The following GRIK2 variants were observed in gnomAD, a reference collection of about 807,000 sequenced individuals.
GRIK2 encodes glutamate ionotropic receptor kainate type subunit 2.
Under a neutral mutation model 100.3 loss-of-function variants are expected in GRIK2, and 32 were observed. That is an observed-to-expected ratio of 0.32 (90% CI 0.24 to 0.43). The LOEUF is 0.43. Ranked by LOEUF, GRIK2 falls within the 20% of genes least tolerant of loss-of-function variation. The probability of loss-of-function intolerance (pLI) is 1.00; values close to 1 mark genes in which losing one functional copy is unlikely to be tolerated. For synonymous variants in GRIK2, 417 were observed against 389.4 expected, an observed-to-expected ratio of 1.07 and a Z score of -0.83; for missense variants, 843 against 1,114.9, an observed-to-expected ratio of 0.76 and a Z score of 3.47.
chr6:101,811,020 T>C lies in GRIK2; in HGVS notation c.1204-7350T>C, dbSNP rs547245002. On this transcript the variant is annotated intron_variant, in intron 9 of 16. Coordinates refer to ENST00000369134, the MANE Select transcript of GRIK2 (RefSeq NM_021956.5). ...CAGCATTTAATATAAATCTCTTTCT[T>C]ATGCTTTCTATTTCTCAATTCCCTC... Among the ~76,000 whole-genome samples, 27 of 152,252 alleles carry C rather than the reference T, an allele frequency of 1.8e-4. 1 individual carries two copies. Among genetic ancestry groups the C allele is most frequent in the Admixed American group, 1.1e-3 (17 of 15,252 alleles).
intron 15 of GRIK2, among the ~76,000 whole-genome samples, chr6:102,045,771 A>C (rs1260833751): frequency 1.3e-5 from 2 of 152,102 alleles, no homozygotes; most frequent in Admixed American, 1.3e-4. Context: ...GATGCTCCAT[A>C]TCATATGTCA....
chr6:101,474,150 T>C (rs1461929557), intron 2 of GRIK2, among the ~76,000 whole-genome samples: 1 of 151,872 alleles, frequency 6.6e-6, no homozygotes, highest in African/African-American at 2.4e-5. Context: ...GTTAGGTCAA[T>C]GTCTTCACCC....
At chr6:101,517,083 T>C (rs1316716410) in intron 2 of GRIK2, among the ~76,000 whole-genome samples, 1 of 152,124 alleles carries the variant, frequency 6.6e-6, no homozygotes, top group African/African-American at 2.4e-5. Context: ...TAAATTAAGG[T>C]ACTTATCTTC....
chr6:101,559,918 T>A (rs1776921458), intron 2 of GRIK2, among the ~76,000 whole-genome samples: 1 of 152,066 alleles, frequency 6.6e-6, no homozygotes, highest in South Asian at 2.1e-4. Flanking sequence ...AGTCCACAGT[T>A]TTTGAGATCC....
In GRIK2 at chr6:101,709,448, T is replaced by A. The variant is rs550803203; in HGVS notation, c.951+23095T>A. 2.0e-5 allele frequency among the ~76,000 whole-genome samples: 3 copies of A among 151,946 alleles called. No homozygotes were observed. The East Asian group carries it at 5.8e-4, about 30-fold the overall frequency. On this transcript the variant is annotated intron_variant, in intron 7 of 16. Transcript: ENST00000369134. ...GAGCATTCTCACTACTTTATTACTC[T>A]GTCTATTAGAAAAGTAAAATTACAA...
intron 4 of GRIK2, among the ~76,000 whole-genome samples, chr6:101,660,299 C>T (rs765303002): frequency 1.3e-5 from 2 of 152,036 alleles, no homozygotes; most frequent in Non-Finnish European, 2.9e-5. Context: ...ATGAAATTCT[C>T]GTGCTGTGTT....
intron 6 of GRIK2, among the ~76,000 whole-genome samples, chr6:101,684,187 G>T (rs1441854373): frequency 6.6e-6 from 1 of 152,132 alleles, no homozygotes; most frequent in Non-Finnish European, 1.5e-5. Context: ...AGTGGTGGGG[G>T]TGGAGAGGAA....
chr6:101,970,911 T>C (rs907763656), intron 14 of GRIK2, among the ~76,000 whole-genome samples: 1 of 150,772 alleles, frequency 6.6e-6, no homozygotes, highest in Non-Finnish European at 1.5e-5. Context: ...ATGATACAAA[T>C]GACAATCATT....
chr6:101,715,103 A>C (rs1353302891), intron 7 of GRIK2, among the ~76,000 whole-genome samples: 1 of 151,832 alleles, frequency 6.6e-6, no homozygotes, highest in Non-Finnish European at 1.5e-5. Flanking sequence ...GAAGTGTTAT[A>C]AGTAAAATTT....
At chr6:101,774,033 T>C (rs981158572) in intron 7 of GRIK2, among the ~76,000 whole-genome samples, 5 of 151,988 alleles carry the variant, frequency 3.3e-5, no homozygotes, top group Non-Finnish European at 7.4e-5. Context: ...TCAGAATATC[T>C]CTCTAACTTT....
At chr6:101,597,386 T>C (rs1337181862) in intron 2 of GRIK2, among the ~76,000 whole-genome samples, 2 of 151,706 alleles carry the variant, frequency 1.3e-5, no homozygotes, top group Non-Finnish European at 2.9e-5. Flanking sequence ...AAAGTTGACA[T>C]AATTTTTAAA....
chr6:101,567,599 G>C (rs933695119), intron 2 of GRIK2, among the ~76,000 whole-genome samples: 7 of 151,886 alleles, frequency 4.6e-5, no homozygotes, highest in African/African-American at 1.7e-4. Flanking sequence ...ATCATTCTAA[G>C]TCCAGCTATA....
chr6:101,403,011 T>G (rs1239038426), intron 2 of GRIK2, among the ~76,000 whole-genome samples: 1 of 152,174 alleles, frequency 6.6e-6, no homozygotes, highest in Non-Finnish European at 1.5e-5. Flanking sequence ...CTTCCGGGCA[T>G]GCACTGACCC....
intron 14 of GRIK2, among the ~76,000 whole-genome samples, chr6:102,013,685 T>TA (rs1362349370): frequency 1.3e-5 from 2 of 152,150 alleles, no homozygotes; most frequent in African/African-American, 4.8e-5. Flanking sequence ...TCTATTAAGA[T>TA]AATCATGTGG....
At chr6:101,774,339 A>C (rs1778602727) in intron 7 of GRIK2, among the ~76,000 whole-genome samples, 1 of 152,220 alleles carries the variant, frequency 6.6e-6, no homozygotes, top group African/African-American at 2.4e-5. Context: ...TGCAAATATC[A>C]AGATAATTGG....
intron 2 of GRIK2, among the ~76,000 whole-genome samples, chr6:101,412,211 C>G (rs1319905280): frequency 6.6e-6 from 1 of 151,906 alleles, no homozygotes; most frequent in East Asian, 1.9e-4. Flanking sequence ...TGGAATTAAA[C>G]CAGAATATTC....
Position 101,626,482 on chromosome 6 carries a change from A to T in GRIK2, c.386A>T (p.His129Leu). 6.2e-7 allele frequency: 1 copy of T among 1,614,014 alleles called. No individual in the cohort carries two copies. The highest frequency in any genetic ancestry group is 8.5e-7 in the Non-Finnish European group (1 of 1,179,948). ...ATCTGCAATGCTCTGGGAGTTCCCC[A>T]CATACAGACCCGCTGGAAGCACCAG... ...QSICNALGVPHIQTRWKHQVS... is the reference protein window; with the variant it reads ...QSICNALGVPLIQTRWKHQVS... Residue 129 changes from histidine (H) to leucine (L), a missense_variant, in exon 4 of 17, where the codon CAC becomes CTC. Physicochemically the swap from His to Leu is moderately conservative, Grantham distance 99 (BLOSUM62 -3). Transcript: ENST00000369134.
chr6:101,810,140 TTCAAA>T (rs1342058119), intron 9 of GRIK2, among the ~76,000 whole-genome samples: 1 of 151,804 alleles, frequency 6.6e-6, no homozygotes, highest in African/African-American at 2.4e-5. Context: ...TTGATTTGAT[TTCAAA>T]TCAAATCAAA....
chr6:101,678,230 C>G (rs931346458), intron 5 of GRIK2, among the ~76,000 whole-genome samples: 3 of 152,106 alleles, frequency 2.0e-5, no homozygotes, highest in African/African-American at 7.2e-5. Flanking sequence ...ATTTTGCTAT[C>G]TGGAAGGTGA....
Sources: allele counts gnomAD v4.1 joint callset (sites outside exome capture counted in the v4.1 genomes callset), GRCh38; gene constraint gnomAD v4.1.1; transcripts MANE v1.5; gene names NCBI Gene and HGNC (gene_info 2026-07-23, HGNC 2026-07-21).